The following PPA2 variants were observed in gnomAD, a reference collection of about 807,000 sequenced individuals.
The protein encoded by PPA2 is inorganic pyrophosphatase 2, mitochondrial.
PPA2 carries 48 observed loss-of-function variants against 49.5 expected under a neutral mutation model. That is an observed-to-expected ratio of 0.97 (90% CI 0.77 to 1.23). The LOEUF (loss-of-function observed/expected upper bound fraction) is 1.23. Ranked by LOEUF, PPA2 falls within the 50% of genes most tolerant of loss-of-function variation. The pLI is 0.00. For missense variants in PPA2, 429 were observed against 410.1 expected, an observed-to-expected ratio of 1.05 and a Z score of -0.40; for synonymous variants, 131 against 139.9, an observed-to-expected ratio of 0.94 and a Z score of 0.45.
At chr4:105,472,987 G>C (rs1723588514) in intron 1 of PPA2, among the ~76,000 whole-genome samples, 1 of 152,144 alleles carries the variant, frequency 6.6e-6, no homozygotes, top group African/African-American at 2.4e-5. Flanking sequence ...TGAAGAACTC[G>C]AGGGCCTGCT....
chr4:105,408,667 C>G (rs1013972967), intron 7 of PPA2, among the ~76,000 whole-genome samples: 1 of 152,080 alleles, frequency 6.6e-6, no homozygotes, highest in African/African-American at 2.4e-5. Context: ...GTATATATGA[C>G]TAAAACACAA....
intron 10 of PPA2, 94 bp from the exon 11 acceptor site, chr4:105,370,967 A>G: frequency 2.5e-6 from 3 of 1,199,084 alleles, no homozygotes; most frequent in Non-Finnish European, 2.2e-6. Context: ...TATAGAAGAA[A>G]GTTTACACAC....
chr4:105,384,913 C>T (rs1177589544), intron 10 of PPA2, among the ~76,000 whole-genome samples: 1 of 152,144 alleles, frequency 6.6e-6, no homozygotes, highest in Admixed American at 6.6e-5. Flanking sequence ...TAATCAACTC[C>T]CATTTTCAAA....
In PPA2 at chr4:105,409,276, C is replaced by A. The variant is rs1033026718; in HGVS notation, c.656-10112G>T. On this transcript the variant is annotated intron_variant, in intron 7 of 11. Transcript: ENST00000341695. ...CGTGTCTGGCTCAGCAGGTCCCACA[C>A]CCACGGAGCCTTGTTCACTGCTAGC... Among the ~76,000 whole-genome samples the A allele has an allele frequency of 3.3e-5, 5 of 152,248 alleles. No homozygotes were observed. In the East Asian group the frequency reaches 9.6e-4, roughly 29 times the overall value.
intron 6 of PPA2, among the ~76,000 whole-genome samples, chr4:105,426,870 T>G (rs1560625851): frequency 6.6e-6 from 1 of 152,190 alleles, no homozygotes; most frequent in Non-Finnish European, 1.5e-5. Context: ...GCATGGCATT[T>G]GAGCTCCGAT....
intron 1 of PPA2, among the ~76,000 whole-genome samples, chr4:105,457,142 C>T (rs192426439): frequency 6.6e-6 from 1 of 152,110 alleles, no homozygotes; most frequent in African/African-American, 2.4e-5. Context: ...AATAGTATTC[C>T]CAATTTCTAC....
chr4:105,446,169 G>A (rs1350138399), intron 5 of PPA2: 2 of 395,434 alleles, frequency 5.1e-6, no homozygotes, highest in Non-Finnish European at 8.8e-6. Flanking sequence ...CATTCCATAT[G>A]CCTGACTCCA....
chr4:105,446,455 A>C lies in PPA2; in HGVS notation c.369T>G (p.Asp123Glu). The change falls in exon 5 of 12, where the codon GAT becomes GAG. Residue 123 changes from aspartate (D) to glutamate (E), a missense_variant. By Grantham distance (45) the Asp-to-Glu change is conservative (BLOSUM62 2). Coordinates refer to ENST00000341695, the MANE Select transcript of PPA2 (RefSeq NM_176869.3). The part of the protein sequence containing the change: ...PMNPIKQYVK[D>E]GKLRYVANIF... ...TATTCGCCACATAGCGTAGCTTTCC[A>C]TCCTTTACATATTGTTTAATGGGAT... is the stretch of plus-strand genomic sequence containing the variant. The C allele has an allele frequency of 6.2e-7, 1 of 1,606,782 alleles. No individual in the cohort carries two copies. Among genetic ancestry groups the C allele is most frequent in the Non-Finnish European group, 8.5e-7 (1 of 1,177,420 alleles).
intron 1 of PPA2, among the ~76,000 whole-genome samples, chr4:105,461,808 T>C (rs962288386): frequency 6.6e-6 from 1 of 152,232 alleles, no homozygotes; most frequent in Non-Finnish European, 1.5e-5. Flanking sequence ...GATTTTGGAA[T>C]AGACAAGTGC....
intron 6 of PPA2, among the ~76,000 whole-genome samples, chr4:105,425,704 G>A (rs1003787461): frequency 2.6e-4 from 38 of 147,560 alleles, no homozygotes; most frequent in African/African-American, 9.2e-4. Flanking sequence ...CCCACAGATT[G>A]AGAAAGGACA....
intron 9 of PPA2, among the ~76,000 whole-genome samples, chr4:105,392,672 CAAA>C (rs1175617131): frequency 1.0e-5 from 1 of 97,742 alleles, no homozygotes; most frequent in Admixed American, 1.1e-4. Context: ...GACTCTGTTT[CAAA>C]AAAAAAAAAA....
intron 1 of PPA2, among the ~76,000 whole-genome samples, chr4:105,466,733 T>C (rs1723318165): frequency 6.6e-6 from 1 of 152,232 alleles, no homozygotes; most frequent in African/African-American, 2.4e-5. Flanking sequence ...GGGTTTTATA[T>C]GTTAGCATAC....
intron 5 of PPA2, 23 bp from the exon 6 acceptor site, chr4:105,438,059 A>G (rs1399841834): frequency 2.1e-5 from 32 of 1,534,592 alleles, no homozygotes; most frequent in Non-Finnish European, 2.5e-5. Flanking sequence ...TTTTAAAAAA[A>G]AGCAGAAATG....
chr4:105,428,612 T>TGGGAGGG (rs1560626814), intron 6 of PPA2, among the ~76,000 whole-genome samples: 1 of 148,074 alleles, frequency 6.8e-6, no homozygotes, highest in Non-Finnish European at 1.5e-5. Context: ...TAAGTGGGAG[T>TGGGAGGG]TGAACAGTGA....
chr4:105,414,963 C>T (rs1722938467), intron 7 of PPA2, among the ~76,000 whole-genome samples: 2 of 152,138 alleles, frequency 1.3e-5, no homozygotes, highest in Non-Finnish European at 2.9e-5. Flanking sequence ...ACTGAGACTA[C>T]AGCCCTCAGC....
intron 9 of PPA2, among the ~76,000 whole-genome samples, chr4:105,388,488 A>C (rs2110378728): frequency 6.6e-6 from 1 of 152,306 alleles, no homozygotes; most frequent in East Asian, 1.9e-4. Flanking sequence ...AGTAGTGGAT[A>C]TCTTGGGAAA....
intron 1 of PPA2, among the ~76,000 whole-genome samples, chr4:105,462,358 A>G (rs1723128280): frequency 6.6e-6 from 1 of 152,220 alleles, no homozygotes; most frequent in African/African-American, 2.4e-5. Context: ...GCTATTGCCA[A>G]TTTGCTTTTT....
At chr4:105,472,556 A>T (rs116732038) in intron 1 of PPA2, among the ~76,000 whole-genome samples, 5 of 152,326 alleles carry the variant, frequency 3.3e-5, no homozygotes, top group African/African-American at 1.2e-4. Flanking sequence ...ATTCCCATTA[A>T]TCATCACATG....
chr4:105,456,517 A>G, intron 2 of PPA2, 164 bp downstream of exon 2: 1 of 571,464 alleles, frequency 1.7e-6, no homozygotes, highest in Non-Finnish European at 3.2e-6. Flanking sequence ...CTATTCTCAT[A>G]CAACTTTTAA....
Sources: gnomAD v4.1 joint callset for allele counts (sites outside exome capture counted in the v4.1 genomes callset) on GRCh38, gnomAD v4.1.1 for gene constraint, MANE v1.5 for transcripts, NCBI Gene and HGNC (gene_info 2026-07-23, HGNC 2026-07-21) for gene names.